The following CHST11 variants were observed in gnomAD, a reference collection of about 807,000 sequenced individuals.
The protein encoded by CHST11 is C4S-1.
CHST11 carries 9 observed loss-of-function variants against 30.4 expected under a neutral mutation model. The observed-to-expected ratio is 0.30, with a 90% confidence interval of 0.18 to 0.52. CHST11 has a LOEUF of 0.52. CHST11 is among the 20% of genes least tolerant of loss of function. The pLI is 0.97. For missense variants in CHST11, 348 were observed against 460.6 expected, an observed-to-expected ratio of 0.76 and a Z score of 2.24; for synonymous variants, 152 against 187.8, an observed-to-expected ratio of 0.81 and a Z score of 1.56.
At chr12:104,584,570 A>C (rs1018376897) in intron 1 of CHST11, among the ~76,000 whole-genome samples, 1 of 152,098 alleles carries the variant, frequency 6.6e-6, no homozygotes, top group Non-Finnish European at 1.5e-5. Context: ...TTTCACTTTC[A>C]TATGCTGTCT....
chr12:104,600,988 C>T lies in CHST11; in HGVS notation c.119-918C>T, dbSNP rs1291231033. Among the ~76,000 whole-genome samples the T allele has an allele frequency of 6.7e-6, 1 of 149,080 alleles. No individual in the cohort carries two copies. The highest frequency in any genetic ancestry group is 1.5e-5 in the Non-Finnish European group (1 of 67,372). On this transcript the variant is annotated intron_variant, in intron 1 of 2. Transcript: ENST00000303694. The surrounding 1 kb of genome is among the most constrained non-coding windows in gnomAD (Gnocchi z 4.1). ...TTCTTCCCTTCCCTTCCTTCCTTCG[C>T]TTGCTCCCCTCCCTTTCCTTCTCCT...
chr12:104,719,739 G>A (rs548577646), intron 2 of CHST11, among the ~76,000 whole-genome samples: 3 of 152,292 alleles, frequency 2.0e-5, no homozygotes, highest in African/African-American at 4.8e-5. Flanking sequence ...ATGGCCAGCC[G>A]GCCCTGGCTG....
chr12:104,581,053 C>A (rs1231524370), intron 1 of CHST11, among the ~76,000 whole-genome samples: 1 of 152,128 alleles, frequency 6.6e-6, no homozygotes, highest in East Asian at 1.9e-4. Context: ...TTTTTCTGGC[C>A]CTCCTGTTCT....
chr12:104,674,947 T>C (rs703669), intron 2 of CHST11, among the ~76,000 whole-genome samples: 35,212 of 152,120 alleles, frequency 0.23, 5,520 homozygotes, highest in African/African-American at 0.45. Flanking sequence ...ATGTAAAGTG[T>C]CGGGCATAAT....
intron 2 of CHST11, among the ~76,000 whole-genome samples, chr12:104,746,741 C>T (rs904777143): frequency 2.0e-5 from 3 of 152,216 alleles, no homozygotes; most frequent in African/African-American, 7.2e-5. Flanking sequence ...CACTTCTTTC[C>T]TAAACCCTTT....
At chr12:104,616,517 G>A (rs182775734) in intron 2 of CHST11, among the ~76,000 whole-genome samples, 112 of 151,218 alleles carry the variant, frequency 7.4e-4, no homozygotes, top group Admixed American at 7.3e-3. Context: ...CTAGTCTGGA[G>A]TGCAGTGGCG....
At chr12:104,533,594 A>G (rs1018675642) in intron 1 of CHST11, among the ~76,000 whole-genome samples, 2 of 152,250 alleles carry the variant, frequency 1.3e-5, no homozygotes, top group Admixed American at 6.5e-5. Flanking sequence ...AACTAAAAAA[A>G]TGAATAAATA....
intron 1 of CHST11, among the ~76,000 whole-genome samples, chr12:104,503,228 G>A (rs548562022): frequency 1.3e-5 from 2 of 152,250 alleles, no homozygotes; most frequent in East Asian, 3.9e-4. Flanking sequence ...GTATGACCTC[G>A]GACAAGTCAT....
intron 1 of CHST11, among the ~76,000 whole-genome samples, chr12:104,512,984 C>T (rs1249225598): frequency 1.3e-5 from 2 of 152,076 alleles, no homozygotes; most frequent in Admixed American, 6.5e-5. Flanking sequence ...TAGGGAACAA[C>T]TCCAGGTTGC....
chr12:104,457,930 T>C (rs760778271), intron 1 of CHST11, among the ~76,000 whole-genome samples: 2 of 152,000 alleles, frequency 1.3e-5, no homozygotes, highest in South Asian at 4.1e-4. Flanking sequence ...TCCCTGCTGC[T>C]GCCGAGGTCG....
chr12:104,687,551 G>A (rs2039857347), intron 2 of CHST11, among the ~76,000 whole-genome samples: 1 of 152,198 alleles, frequency 6.6e-6, no homozygotes, highest in African/African-American at 2.4e-5. Flanking sequence ...GTCATAGCTG[G>A]GAAGCCAGAG....
At chr12:104,611,802 C>CTT (rs2039062282) in intron 2 of CHST11, among the ~76,000 whole-genome samples, 1 of 152,188 alleles carries the variant, frequency 6.6e-6, no homozygotes, top group African/African-American at 2.4e-5. Context: ...TGTGGAAGGG[C>CTT]TAACACTTTG....
At chr12:104,582,973 G>C (rs1050775506) in intron 1 of CHST11, among the ~76,000 whole-genome samples, 1 of 151,868 alleles carries the variant, frequency 6.6e-6, no homozygotes, top group Non-Finnish European at 1.5e-5. Flanking sequence ...ATATCCTCTT[G>C]TAGCTGTAAC....
intron 2 of CHST11, among the ~76,000 whole-genome samples, chr12:104,713,714 T>A (rs2040106537): frequency 6.6e-6 from 1 of 152,120 alleles, no homozygotes; most frequent in Admixed American, 6.5e-5. Flanking sequence ...GGCTATGTGT[T>A]TCCTGATTTG....
chr12:104,741,271 G>A (rs778390880), intron 2 of CHST11, among the ~76,000 whole-genome samples: 17 of 152,212 alleles, frequency 1.1e-4, no homozygotes, highest in Non-Finnish European at 2.9e-5. Context: ...GGGAGAGAAC[G>A]AGGGTGTCTT....
intron 2 of CHST11, among the ~76,000 whole-genome samples, chr12:104,738,430 G>A (rs779599831): frequency 6.6e-6 from 1 of 152,218 alleles, no homozygotes; most frequent in Non-Finnish European, 1.5e-5. Context: ...GCTCTCCCAA[G>A]CTGGAACGGC....
chr12:104,524,949 C>A (rs951187539), intron 1 of CHST11, among the ~76,000 whole-genome samples: 2 of 152,030 alleles, frequency 1.3e-5, no homozygotes, highest in Admixed American at 6.6e-5. Context: ...AACTCAAGTT[C>A]TAGAGTTGGA....
intron 2 of CHST11, among the ~76,000 whole-genome samples, chr12:104,732,332 A>G (rs1270687639): frequency 6.6e-6 from 1 of 152,118 alleles, no homozygotes; most frequent in Middle Eastern, 3.2e-3. Context: ...AGTGATCCCT[A>G]TTTCCCTAAG....
At chr12:104,699,227 A>G (rs950484839) in intron 2 of CHST11, among the ~76,000 whole-genome samples, 2 of 152,194 alleles carry the variant, frequency 1.3e-5, no homozygotes, top group African/African-American at 4.8e-5. Flanking sequence ...AACTGTACAT[A>G]CAGATCTGTG....
Sources: allele counts gnomAD v4.1 joint callset (sites outside exome capture counted in the v4.1 genomes callset), GRCh38; gene constraint gnomAD v4.1.1; non-coding constraint Gnocchi (gnomAD v3.1); transcripts MANE v1.5; gene names NCBI Gene and HGNC (gene_info 2026-07-23, HGNC 2026-07-21).